The following NRAP variants were observed in gnomAD, a reference collection of about 807,000 sequenced individuals.
The protein encoded by NRAP is nebulin-related-anchoring protein.
In NRAP, 189 loss-of-function variants were observed where a neutral mutation model predicts 225.9. The observed-to-expected ratio is 0.84, with a 90% confidence interval of 0.74 to 0.94. The LOEUF is 0.94. NRAP is among the 40% of genes least tolerant of loss of function. NRAP has a pLI of 0.00. For synonymous variants in NRAP, 769 were observed against 790.7 expected, an observed-to-expected ratio of 0.97 and a Z score of 0.46; for missense variants, 2,176 against 2,168.7, an observed-to-expected ratio of 1.00 and a Z score of -0.07.
In NRAP at chr10:113,651,861, G is replaced by T. The variant is rs752825681; in HGVS notation, c.617C>A (p.Thr206Lys). ...TAGCAGCTCAGGAGTATCCACCACC[G>T]TGGAGAACCTGGAGATGCGTTCATC... The part of the protein sequence containing the change: ...GHDERISRFS[T>K]VVDTPELLRS... Residue 206 changes from threonine to lysine, a missense_variant, in exon 7 of 42, where the codon ACG becomes AAG. This residue lies in a region of NRAP where 1,708 missense variants were observed against 1,695.5 expected (regional missense o/e 1.01). Coordinates refer to ENST00000359988, the MANE Select transcript of NRAP (RefSeq NM_198060.4). The T allele has an allele frequency of 6.2e-7, 1 of 1,613,184 alleles. No homozygotes were observed.
chr10:113,606,325 G>T, intron 32 of NRAP, 43 bp from the exon 33 acceptor site: 1 of 1,268,774 alleles, frequency 7.9e-7, no homozygotes, highest in Non-Finnish European at 1.1e-6. Context: ...AGAGATAAGT[G>T]CTGTGCATTT....
rs1850849215 is a variant in NRAP at position 113,663,813 on chromosome 10, G to T, written c.70C>A (p.Gln24Lys). ...AAAGCCAAGAAATGTCTACTGACCT[G>T]ATCTATACAGCTGATCTTCTCGGCA... Reference protein sequence around the residue: ...YPAEKISCIDQIWHKACFHCE... With the variant: ...YPAEKISCIDKIWHKACFHCE... The change falls in exon 1 of 42, where the codon CAG becomes AAG. Residue 24 changes from glutamine to lysine, a missense_variant and splice_region_variant. Physicochemically the swap from Gln to Lys is moderately conservative, Grantham distance 53. This residue lies in a region of NRAP where 1,708 missense variants were observed against 1,695.5 expected (regional missense o/e 1.01). Transcript: ENST00000359988. 1 of 1,610,758 alleles carries T rather than the reference G, an allele frequency of 6.2e-7. No individual in the cohort carries two copies. Among genetic ancestry groups the T allele is most frequent in the South Asian group, 1.1e-5 (1 of 91,008 alleles).
chr10:113,615,497 G>T (rs1847598451), intron 27 of NRAP, among the ~76,000 whole-genome samples: 1 of 152,174 alleles, frequency 6.6e-6, no homozygotes, highest in Admixed American at 6.5e-5. Flanking sequence ...TTTCAAATGA[G>T]CTGGACTCTT....
At position 113,641,396 on chromosome 10, in the gene NRAP, T is replaced by C. The variant is rs1427068291; in HGVS notation, c.1292A>G (p.His431Arg). 12 of 1,613,748 alleles carry C rather than the reference T, an allele frequency of 7.4e-6. No individual in the cohort carries two copies. The highest frequency in any genetic ancestry group is 1.7e-5 in the Admixed American group (1 of 59,982). Residue 431 changes from histidine to arginine, a missense_variant, in exon 13 of 42, where the codon CAT becomes CGT. By Grantham distance (29) the His-to-Arg change is conservative. Around this residue, in one of 3 missense-constraint regions of NRAP, gnomAD observed 1,708 missense variants for 1,695.5 expected, o/e 1.01. Coordinates refer to ENST00000359988, the MANE Select transcript of NRAP (RefSeq NM_198060.4). Reference protein sequence around the residue: ...EGVGMDRRTLHAMKVGSLASN... With the variant: ...EGVGMDRRTLRAMKVGSLASN... The stretch of plus-strand genomic sequence containing the variant: ...TGCCAGGCTGCCAACTTTCATAGCA[T>C]GCAGAGTGCGTCTGTCCATACCAAC...
intron 11 of NRAP, among the ~76,000 whole-genome samples, chr10:113,644,855 A>G (rs1446529648): frequency 1.3e-5 from 2 of 152,238 alleles, no homozygotes; most frequent in Non-Finnish European, 2.9e-5. Flanking sequence ...AATGCTTTGA[A>G]TTGCCATAAT....
At chr10:113,592,073 T>C (rs2133822958) in intron 39 of NRAP, 121 bp downstream of exon 39, 1 of 529,490 alleles carries the variant, frequency 1.9e-6, no homozygotes, top group Admixed American at 3.4e-5. Context: ...CAGTACATGT[T>C]CAGTTTTGGT....
chr10:113,649,909 C>A, intron 9 of NRAP, 128 bp downstream of exon 9: 1 of 627,132 alleles, frequency 1.6e-6, no homozygotes, highest in East Asian at 2.6e-5. Context: ...CTTGGAAAAT[C>A]TACCTTTCAT....
Position 113,628,059 on chromosome 10 carries a change from C to T in NRAP, c.2145+858G>A, listed in dbSNP as rs372903149. Among the ~76,000 whole-genome samples, 25 of 152,300 alleles carry T rather than the reference C, an allele frequency of 1.6e-4. No homozygotes were observed. In the East Asian group the frequency reaches 2.3e-3, roughly 14 times the overall value. On this transcript the variant is annotated intron_variant, in intron 20 of 41. Coordinates refer to ENST00000359988, the MANE Select transcript of NRAP (RefSeq NM_198060.4). ...TTCCTGAAATAGTGACACTTCCAAA[C>T]GAAATGTCCTTCAAACGTCCTCCTC...
At chr10:113,644,147 C>CAAAAA (rs60015356) in intron 11 of NRAP, among the ~76,000 whole-genome samples, 13,394 of 47,766 alleles carry the variant, frequency 0.28, 2,569 homozygotes, top group African/African-American at 0.31. Context: ...AACTCCCTCT[C>CAAAAA]AAAAAAAAAA....
In NRAP at chr10:113,589,695, CGTTG is replaced by C. The variant is rs1845833014; in HGVS notation, c.5055_5058del (p.Asn1686GlnfsTer26). 6.2e-7 allele frequency: 1 copy of C among 1,613,964 alleles called. No homozygotes were observed. The highest frequency in any genetic ancestry group is 1.3e-5 in the African/African-American group (1 of 74,916). On this transcript the variant is annotated frameshift_variant, in exon 41 of 42. Transcript: ENST00000359988. LOFTEE classifies it low-confidence loss of function (END_TRUNC). ...GCTCCCTGGAGACCCAGGCCCCTTG[CGTTG>C]GCCAGTTCCGCAGCCCGCCGAGCCA...
chr10:113,624,865 G>A lies in NRAP; in HGVS notation c.2310C>T (p.Leu770=). The change falls in exon 22 of 42, where the codon CTC becomes CTT. Residue 770 remains leucine, a synonymous_variant. Coordinates refer to ENST00000359988, the MANE Select transcript of NRAP (RefSeq NM_198060.4). ...HQYTISKDEP[L]FLQARANAAN... The stretch of plus-strand genomic sequence containing the variant: ...CAGCATTGGCTCGGGCCTGCAGGAA[G>A]AGAGGCTCGTCTTTGCTGATGGTAT... 1 of 1,614,144 alleles carries A rather than the reference G, an allele frequency of 6.2e-7. No individual in the cohort carries two copies. The highest frequency in any genetic ancestry group is 8.5e-7 in the Non-Finnish European group (1 of 1,179,984).
intron 31 of NRAP, among the ~76,000 whole-genome samples, chr10:113,609,813 T>C (rs921829199): frequency 4.6e-5 from 7 of 152,154 alleles, no homozygotes; most frequent in Non-Finnish European, 4.4e-5. Context: ...AAGGCTGCTT[T>C]GTTTGCATTG....
Position 113,590,816 on chromosome 10 carries a change from C to T in NRAP, c.4718G>A (p.Arg1573Lys). The change falls in exon 40 of 42, where the codon AGG becomes AAG. Residue 1573 changes from arginine (R) to lysine (K), a missense_variant. Arg to Lys is a conservative substitution (Grantham distance 26). This residue lies in a region of NRAP where 445 missense variants were observed against 426.1 expected (regional missense o/e 1.04). Transcript: ENST00000359988. The part of the protein sequence containing the change: ...IGYRSVDDDP[R>K]MKHFLNVGRL... ...GCCAACGTTGAGGAAATGCTTCATCCTTGGGTCATCGTCGACACTGCGGTA... is the reference window on the plus strand; with the variant it reads ...GCCAACGTTGAGGAAATGCTTCATCTTTGGGTCATCGTCGACACTGCGGTA... 1 of 1,614,208 alleles carries T rather than the reference C, an allele frequency of 6.2e-7. No individual in the cohort carries two copies. Among genetic ancestry groups the T allele is most frequent in the Non-Finnish European group, 8.5e-7 (1 of 1,180,022 alleles).
chr10:113,606,379 T>A lies in NRAP; in HGVS notation c.3703-97A>T. ...CTCAACGATAGTTGAGGAAACACAATAGCAAAAAACCGTTCATTGTGTCAT... is the reference window on the plus strand; with the variant it reads ...CTCAACGATAGTTGAGGAAACACAAAAGCAAAAAACCGTTCATTGTGTCAT... On this transcript the variant is annotated intron_variant, in intron 32 of 41. Coordinates refer to ENST00000359988, the MANE Select transcript of NRAP (RefSeq NM_198060.4). The A allele has an allele frequency of 8.2e-6, 6 of 729,886 alleles. No homozygotes were observed. The Admixed American group carries it at 1.2e-4, about 15-fold the overall frequency. The allele number at this position is 729,886 out of a possible 1,614,324, so 45.2% of individuals were successfully genotyped here.
intron 35 of NRAP, 147 bp from the exon 36 acceptor site, chr10:113,598,220 C>T (rs780621154): frequency 7.6e-6 from 5 of 661,604 alleles, no homozygotes; most frequent in South Asian, 5.1e-5. Context: ...TTCTGCATGT[C>T]GTCAAGTCAA....
At chr10:113,660,051 A>AACACACAC (rs142938392) in intron 3 of NRAP, among the ~76,000 whole-genome samples, 11,852 of 144,268 alleles carry the variant, frequency 0.082, 486 homozygotes, top group African/African-American at 0.091. Context: ...CTCAGTAGAC[A>AACACACAC]ACACACACAC....
chr10:113,645,704 A>T, intron 11 of NRAP, 121 bp downstream of exon 11: 1 of 584,028 alleles, frequency 1.7e-6, no homozygotes, highest in Non-Finnish European at 3.0e-6. Flanking sequence ...GGCGTGAGCC[A>T]CCGCACCTGG....
chr10:113,613,922 G>C (rs1056604468), intron 29 of NRAP, among the ~76,000 whole-genome samples: 10 of 152,152 alleles, frequency 6.6e-5, no homozygotes, highest in African/African-American at 2.4e-4. Flanking sequence ...GTCAAATCCA[G>C]ACCAGTGGCC....
At position 113,620,719 on chromosome 10, in the gene NRAP, AG is replaced by A. The variant is rs751489407; in HGVS notation, c.2770-12del. 8 of 1,562,046 alleles carry A rather than the reference AG, an allele frequency of 5.1e-6. No homozygotes were observed. The Admixed American group carries it at 6.8e-5, about 13-fold the overall frequency. ...TGCCCTGTATTGGTTCTGACAAAGG[AG>A]AAAGAAAAAAAAAAAAAGCAGGCCA... On this transcript the variant is annotated splice_polypyrimidine_tract_variant and intron_variant, in intron 24 of 41. Coordinates refer to ENST00000359988, the MANE Select transcript of NRAP (RefSeq NM_198060.4).
Sources: gnomAD v4.1 joint callset for allele counts (sites outside exome capture counted in the v4.1 genomes callset) on GRCh38, gnomAD v4.1.1 for gene constraint, gnomAD v4.1.1 regional missense constraint, MANE v1.5 for transcripts, NCBI Gene and HGNC (gene_info 2026-07-23, HGNC 2026-07-21) for gene names.